Variants in ZNFX1 observed in about 807,000 individuals in gnomAD.
ZNFX1 encodes the protein zinc finger NFX1-type containing 1, also known as NFX1-type zinc finger-containing protein 1.
Under a neutral mutation model 179.8 loss-of-function variants are expected in ZNFX1, and 78 were observed. The ratio of observed to expected loss-of-function variants is 0.43; its 90% confidence interval spans 0.36 to 0.52. The LOEUF (loss-of-function observed/expected upper bound fraction) is 0.52. ZNFX1 is among the 20% of genes least tolerant of loss of function. The pLI is 0.00. For synonymous variants in ZNFX1, 848 were observed against 868.5 expected, an observed-to-expected ratio of 0.98 and a Z score of 0.42; for missense variants, 1,927 against 2,386.6, an observed-to-expected ratio of 0.81 and a Z score of 4.01.
intron 13 of ZNFX1, among the ~76,000 whole-genome samples, chr20:49,250,007 C>T (rs930445919): frequency 6.6e-6 from 1 of 152,180 alleles, no homozygotes; most frequent in Non-Finnish European, 1.5e-5. Context: ...GTAATCCCAG[C>T]ACTTTGAGAG....
Position 49,275,770 on chromosome 20 carries a change from C to T in ZNFX1, c.61+9G>A, listed in dbSNP as rs745850012. ...ATTTCCTTCTCATTAGGTAGGAAAC[C>T]TTGCTTACCTCTGTGGTTGGTATGG... On this transcript the variant is annotated intron_variant, in intron 2 of 13. Transcript: ENST00000396105. 1.2e-6 allele frequency: 2 copies of T among 1,613,904 alleles called. No homozygotes were observed. Among genetic ancestry groups the T allele is most frequent in the Non-Finnish European group, 1.7e-6 (2 of 1,179,964 alleles).
chr20:49,248,312 G>A lies in ZNFX1; in HGVS notation c.4712C>T (p.Thr1571Ile). The A allele has an allele frequency of 6.2e-7, 1 of 1,614,166 alleles. No individual in the cohort carries two copies. Among genetic ancestry groups the A allele is most frequent in the Non-Finnish European group, 8.5e-7 (1 of 1,180,032 alleles). The change falls in exon 14 of 14, where the codon ACC (threonine) becomes ATC (isoleucine). Residue 1571 changes from threonine (T) to isoleucine (I), a missense_variant. Coordinates refer to ENST00000396105, the MANE Select transcript of ZNFX1 (RefSeq NM_021035.3). The surrounding 1 kb of genome is among the most constrained non-coding windows in gnomAD (Gnocchi z 4.6). ...KCRICHMDEVTQIFFGFEDEP... is the reference protein window; with the variant it reads ...KCRICHMDEVIQIFFGFEDEP... ...ATCCTCAAAGCCAAAGAATATTTGG[G>A]TGACCTCATCCATGTGGCAGATCCG...
At chr20:49,266,329 G>C (rs1039932410) in intron 3 of ZNFX1, 63 bp from the exon 4 acceptor site, 19 of 1,455,550 alleles carry the variant, frequency 1.3e-5, no homozygotes, top group Non-Finnish European at 1.1e-5. Flanking sequence ...TAATTACTCA[G>C]AGCAAAATCT....
At position 49,270,508 on chromosome 20, in the gene ZNFX1, T is replaced by C; in HGVS notation, c.1304A>G (p.Lys435Arg). 6.2e-7 allele frequency: 1 copy of C among 1,614,238 alleles called. No homozygotes were observed. Among genetic ancestry groups the C allele is most frequent in the African/African-American group, 1.3e-5 (1 of 75,056 alleles). Residue 435 changes from lysine (K) to arginine (R), a missense_variant, in exon 3 of 14, where the codon AAA becomes AGA. By Grantham distance (26) the Lys-to-Arg change is conservative (BLOSUM62 2). Transcript: ENST00000396105. This position sits in a 1 kb window ranked among gnomAD's most constrained non-coding sequence, Gnocchi z 4.6. ...CTGCCAGCGAACAAACTTCAGTGGT[T>C]TTGTGTCAAACTGCACCTTGTAGAC... ...GIVYKVQFDTKPLKFVRWQNS... is the reference protein window; with the variant it reads ...GIVYKVQFDTRPLKFVRWQNS...
At chr20:49,256,788 C>T (rs971755264) in intron 8 of ZNFX1, among the ~76,000 whole-genome samples, 6 of 152,292 alleles carry the variant, frequency 3.9e-5, no homozygotes, top group Admixed American at 2.0e-4. Flanking sequence ...AAACTGCATC[C>T]AAAGTTGCCC....
At position 49,248,056 on chromosome 20, in the gene ZNFX1, T is replaced by C. The variant is rs564459112; in HGVS notation, c.4968A>G (p.Glu1656=). The change falls in exon 14 of 14, where the codon GAA becomes GAG. Residue 1656 remains glutamate, a synonymous_variant. Coordinates refer to ENST00000396105, the MANE Select transcript of ZNFX1 (RefSeq NM_021035.3). This position sits in a 1 kb window ranked among gnomAD's most constrained non-coding sequence, Gnocchi z 4.6. ...IKEKIQGSAG[E]IATSQERLKA... The stretch of plus-strand genomic sequence containing the variant: ...TAAGCCGTTCCTGGCTGGTTGCTAT[T>C]TCCCCTGCTGAGCCCTGGATCTTTT... The C allele has an allele frequency of 1.2e-4, 194 of 1,614,178 alleles. 1 individual carries two copies. The South Asian group carries it at 2.0e-3, about 17-fold the overall frequency.
intron 8 of ZNFX1, among the ~76,000 whole-genome samples, chr20:49,257,212 T>G (rs575482997): frequency 6.6e-6 from 1 of 152,218 alleles, no homozygotes; most frequent in Non-Finnish European, 1.5e-5. Context: ...TCTTTCTAAG[T>G]TGGCATTTCT....
chr20:49,276,744 T>C lies in ZNFX1; in HGVS notation c.-48-857A>G, dbSNP rs375357566. ...TCTTCACTGAGTTCTAAAATATTCA[T>C]AATTGGAAACTGTGACTACATTTGG... On this transcript the variant is annotated intron_variant, in intron 1 of 13. Coordinates refer to ENST00000396105, the MANE Select transcript of ZNFX1 (RefSeq NM_021035.3). Among the ~76,000 whole-genome samples, 8 of 152,252 alleles carry C rather than the reference T, an allele frequency of 5.3e-5. No homozygotes were observed. The East Asian group carries it at 9.6e-4, about 18-fold the overall frequency.
At chr20:49,275,942 C>A in intron 1 of ZNFX1, 55 bp from the exon 2 acceptor site, 1 of 1,157,774 alleles carries the variant, frequency 8.6e-7, no homozygotes, top group South Asian at 1.3e-5. Flanking sequence ...CAGCAAAAAC[C>A]CAAACACCAT....
rs141376017 is a variant in ZNFX1, at chr20:49,260,497, C to T, written c.2382G>A (p.Thr794=). The T allele has an allele frequency of 4.5e-5, 73 of 1,612,858 alleles. 1 individual carries two copies. Among genetic ancestry groups the T allele is most frequent in the Non-Finnish European group, 5.3e-5 (62 of 1,179,552 alleles). Residue 794 remains threonine (T), a synonymous_variant, in exon 7 of 14, where the codon ACG becomes ACA. Transcript: ENST00000396105. The part of the protein sequence containing the change: ...EWLGLGVGSF[T]QSVSPAGPEN... ...CAGGTCCTGCTGGAGAAACACTTTG[C>T]GTGAAAGAACCGACACCAAGACCTA...
chr20:49,254,717 A>G, intron 9 of ZNFX1, 68 bp from the exon 10 acceptor site: 2 of 1,542,870 alleles, frequency 1.3e-6, no homozygotes, highest in Non-Finnish European at 1.8e-6. Context: ...AACGCCCTTC[A>G]GTGTGCCCAG....
chr20:49,273,807 G>A (rs1225677753), intron 2 of ZNFX1, among the ~76,000 whole-genome samples: 1 of 152,188 alleles, frequency 6.6e-6, no homozygotes, highest in African/African-American at 2.4e-5. Context: ...GTGCACGCTT[G>A]TGGTCCCAGC....
At chr20:49,275,223 C>T (rs1981527134) in intron 2 of ZNFX1, among the ~76,000 whole-genome samples, 1 of 152,164 alleles carries the variant, frequency 6.6e-6, no homozygotes, top group African/African-American at 2.4e-5. Flanking sequence ...CTTTCTGAAA[C>T]TCTATCACTG....
chr20:49,270,907 A>G lies in ZNFX1; in HGVS notation c.905T>C (p.Ile302Thr), dbSNP rs762634105. 6.2e-7 allele frequency: 1 copy of G among 1,614,082 alleles called. No individual in the cohort carries two copies. Among genetic ancestry groups the G allele is most frequent in the South Asian group, 1.1e-5 (1 of 91,072 alleles). The change falls in exon 3 of 14, where the codon ATT (isoleucine) becomes ACT (threonine). Residue 302 changes from isoleucine (I) to threonine (T), a missense_variant. Ile to Thr is a moderately conservative substitution (Grantham distance 89). Coordinates refer to ENST00000396105, the MANE Select transcript of ZNFX1 (RefSeq NM_021035.3). This position sits in a 1 kb window ranked among gnomAD's most constrained non-coding sequence, Gnocchi z 4.6. ...TCGCCTCTTTTCCTGCAGATGTTCA[A>G]TGATAGTCTGTACCTTTTCCAGGTT... ...EKNLEKVQTI[I>T]EHLQEKRREG...
At chr20:49,263,950 G>A (rs897143789) in intron 5 of ZNFX1, among the ~76,000 whole-genome samples, 3 of 152,176 alleles carry the variant, frequency 2.0e-5, no homozygotes, top group Non-Finnish European at 2.9e-5. Context: ...TGGGCCGGGC[G>A]CGGTGGCTCA....
rs1263547393 is a variant in ZNFX1 at position 49,252,814 on chromosome 20, T to G, written c.3122A>C (p.Asn1041Thr). ...GDHQQLRPSA[N>T]VYDLAKNFNL... Reference sequence around the variant, plus strand: ...GAAGTTCTTGGCCAGATCATACACGTTGGCACTGGGGCGCAGCTGAGAAGA... The same window carrying G: ...GAAGTTCTTGGCCAGATCATACACGGTGGCACTGGGGCGCAGCTGAGAAGA... Residue 1041 changes from asparagine to threonine, a missense_variant, in exon 12 of 14, where the codon AAC becomes ACC. Coordinates refer to ENST00000396105, the MANE Select transcript of ZNFX1 (RefSeq NM_021035.3). 1 of 1,613,972 alleles carries G rather than the reference T, an allele frequency of 6.2e-7. No individual in the cohort carries two copies. The highest frequency in any genetic ancestry group is 1.3e-5 in the African/African-American group (1 of 74,916).
Position 49,270,560 on chromosome 20 carries a change from T to A in ZNFX1, c.1252A>T (p.Thr418Ser), listed in dbSNP as rs1378076190. The change falls in exon 3 of 14, where the codon ACC becomes TCC. Residue 418 changes from threonine to serine, a missense_variant. Coordinates refer to ENST00000396105, the MANE Select transcript of ZNFX1 (RefSeq NM_021035.3). This position sits in a 1 kb window ranked among gnomAD's most constrained non-coding sequence, Gnocchi z 4.6. ...IRIYFDTRII[T>S]PMCSSSGIVY... ...ATGCCTGATGATGAACACATGGGGG[T>A]GATAATCCTGGTGTCAAAGTAGATT... 6.2e-7 allele frequency: 1 copy of A among 1,614,130 alleles called. No individual in the cohort carries two copies. The highest frequency in any genetic ancestry group is 2.2e-5 in the East Asian group (1 of 44,876).
At chr20:49,267,568 G>A (rs1457682542) in intron 3 of ZNFX1, among the ~76,000 whole-genome samples, 7 of 147,290 alleles carry the variant, frequency 4.8e-5, no homozygotes, top group Admixed American at 4.7e-4. Flanking sequence ...GTTTTCTTTT[G>A]GTACTTCCTT....
chr20:49,255,830 T>G lies in ZNFX1; in HGVS notation c.2782A>C (p.Ser928Arg). ...TACCTATAAAGCTGCCAGCGAGAAC[T>G]GAGGTCCAGCTGCCAAACATCCTCG... is the stretch of plus-strand genomic sequence containing the variant. Reference protein sequence around the residue: ...EIEDVWQLDLSSRWQLYRLWL... With the variant: ...EIEDVWQLDLRSRWQLYRLWL... The change falls in exon 9 of 14, where the codon AGT (serine) becomes CGT (arginine). Residue 928 changes from serine to arginine, a missense_variant. Physicochemically the swap from Ser to Arg is moderately radical, Grantham distance 110. Transcript: ENST00000396105. The G allele has an allele frequency of 6.2e-7, 1 of 1,613,888 alleles. No individual in the cohort carries two copies. The highest frequency in any genetic ancestry group is 1.1e-5 in the South Asian group (1 of 91,062).
Sources: allele counts gnomAD v4.1 joint callset (sites outside exome capture counted in the v4.1 genomes callset), GRCh38; gene constraint gnomAD v4.1.1; non-coding constraint Gnocchi (gnomAD v3.1); transcripts MANE v1.5; gene names NCBI Gene and HGNC (gene_info 2026-07-23, HGNC 2026-07-21).